The following KPNA1 variants were observed in gnomAD, a reference collection of about 807,000 sequenced individuals.
The protein encoded by KPNA1 is karyopherin subunit alpha 1.
In KPNA1, 10 loss-of-function variants were observed where a neutral mutation model predicts 70.5. That is an observed-to-expected ratio of 0.14 (90% CI 0.09 to 0.24). KPNA1 has a LOEUF of 0.24. Ranked by LOEUF, KPNA1 falls within the 10% of genes least tolerant of loss-of-function variation. The probability of loss-of-function intolerance (pLI) is 1.00; values close to 1 mark genes in which losing one functional copy is unlikely to be tolerated. For missense variants in KPNA1, 397 were observed against 637.9 expected, an observed-to-expected ratio of 0.62 and a Z score of 4.07; for synonymous variants, 192 against 221.9, an observed-to-expected ratio of 0.87 and a Z score of 1.20.
At chr3:122,427,406 C>T in intron 13 of KPNA1, 132 bp downstream of exon 13, 1 of 905,046 alleles carries the variant, frequency 1.1e-6, no homozygotes, top group Non-Finnish European at 1.7e-6. Flanking sequence ...AATATCCAGT[C>T]TGCAGAAGCA....
In KPNA1 at chr3:122,423,853, A is replaced by G. The variant is rs1480799816; in HGVS notation, c.*3132T>C. 4 of 152,582 alleles carry G rather than the reference A, an allele frequency of 2.6e-5. No homozygotes were observed. Among genetic ancestry groups the G allele is most frequent in the Non-Finnish European group, 5.9e-5 (4 of 68,022 alleles). The allele number at this position is 152,582 out of a possible 1,614,324, so 9.5% of individuals were successfully genotyped here. A position where few individuals can be genotyped will look rare whatever the true frequency, so the allele number is the denominator to read the frequency against. The stretch of plus-strand genomic sequence containing the variant: ...AAATGACTCAGAGCCAATAACCTTC[A>G]TCTGTCATATGGAAGAAACAATCCT... On this transcript the variant is annotated 3_prime_UTR_variant, in exon 14 of 14. Transcript: ENST00000344337.
intron 2 of KPNA1, among the ~76,000 whole-genome samples, chr3:122,472,290 T>TA (rs1054047429): frequency 6.6e-6 from 1 of 151,896 alleles, no homozygotes; most frequent in East Asian, 1.9e-4. Context: ...ATATAATTTT[T>TA]AAAAAAAACC....
chr3:122,465,131 T>G (rs1037205548), intron 3 of KPNA1, among the ~76,000 whole-genome samples: 3 of 152,182 alleles, frequency 2.0e-5, no homozygotes, highest in African/African-American at 7.2e-5. Flanking sequence ...TAACTTTACA[T>G]TATAATATTT....
intron 2 of KPNA1, among the ~76,000 whole-genome samples, chr3:122,474,412 A>T (rs186856342): frequency 6.6e-6 from 1 of 152,308 alleles, no homozygotes; most frequent in Admixed American, 6.5e-5. Context: ...ACAAAGTTAG[A>T]GGAATGACTC....
intron 2 of KPNA1, among the ~76,000 whole-genome samples, chr3:122,479,499 C>T (rs941249456): frequency 1.3e-5 from 2 of 152,138 alleles, no homozygotes; most frequent in Admixed American, 1.3e-4. Flanking sequence ...GTGGCTCATG[C>T]CTGTAATCCC....
At position 122,474,932 on chromosome 3, in the gene KPNA1, T is replaced by G. The variant is rs111952247; in HGVS notation, c.130-7503A>C. Among the ~76,000 whole-genome samples, 52 of 152,326 alleles carry G rather than the reference T, an allele frequency of 3.4e-4. 1 individual carries two copies. The Middle Eastern group carries it at 0.017, about 50-fold the overall frequency. ...ACAGTGAAAAGTTGAAAGCTTTTCC[T>G]CTAAGATCAGAAACAAGACAAGGAT... On this transcript the variant is annotated intron_variant, in intron 2 of 13. Coordinates refer to ENST00000344337, the MANE Select transcript of KPNA1 (RefSeq NM_002264.4).
rs756918915 is a variant in KPNA1 at position 122,428,801 on chromosome 3, G to A, written c.1251-1085C>T. 5.9e-5 allele frequency among the ~76,000 whole-genome samples: 9 copies of A among 151,412 alleles called. No homozygotes were observed. In the South Asian group the frequency reaches 6.3e-4, roughly 11 times the overall value. On this transcript the variant is annotated intron_variant, in intron 12 of 13. Transcript: ENST00000344337. ...CTGGTGAATTCTGGCAAACATTTAC[G>A]GACAAAACGATACTAGTATTCTACC...
intron 2 of KPNA1, among the ~76,000 whole-genome samples, chr3:122,490,118 A>G (rs1235804578): frequency 6.6e-6 from 1 of 152,240 alleles, no homozygotes; most frequent in African/African-American, 2.4e-5. Flanking sequence ...CACATGTGCT[A>G]ATCAGCATTC....
intron 2 of KPNA1, among the ~76,000 whole-genome samples, chr3:122,483,604 C>A (rs1263681534): frequency 6.6e-6 from 1 of 152,200 alleles, no homozygotes; most frequent in Non-Finnish European, 1.5e-5. Flanking sequence ...CTCAGCCTCC[C>A]AAAGTGCTGG....
At chr3:122,430,398 T>G (rs1029915943) in intron 12 of KPNA1, among the ~76,000 whole-genome samples, 3 of 152,150 alleles carry the variant, frequency 2.0e-5, no homozygotes, top group Admixed American at 2.0e-4. Flanking sequence ...CTCAACTGAT[T>G]TATATTAATT....
intron 2 of KPNA1, among the ~76,000 whole-genome samples, chr3:122,467,920 A>C (rs1238862098): frequency 6.6e-6 from 1 of 152,196 alleles, no homozygotes; most frequent in Non-Finnish European, 1.5e-5. Flanking sequence ...ATGACTGCTT[A>C]AGCACTACCT....
At chr3:122,498,456 G>A (rs1350834055) in intron 1 of KPNA1, among the ~76,000 whole-genome samples, 1 of 152,188 alleles carries the variant, frequency 6.6e-6, no homozygotes, top group Non-Finnish European at 1.5e-5. Flanking sequence ...AGAACTGTGA[G>A]AAACAAATTT....
chr3:122,430,338 A>G (rs74359270), intron 12 of KPNA1, among the ~76,000 whole-genome samples: 14,261 of 152,166 alleles, frequency 0.094, 831 homozygotes, highest in Middle Eastern at 0.16. Flanking sequence ...TTTTGGGTCT[A>G]TATTTTGAAG....
At chr3:122,444,653 C>T (rs757378035) in intron 9 of KPNA1, among the ~76,000 whole-genome samples, 6 of 152,138 alleles carry the variant, frequency 3.9e-5, no homozygotes, top group Admixed American at 6.5e-5. Flanking sequence ...CTCATACAGG[C>T]GGGTGCCCCT....
intron 5 of KPNA1, chr3:122,457,622 C>T (rs912221010): frequency 1.9e-6 from 2 of 1,026,162 alleles, no homozygotes. Flanking sequence ...AATCTGCACA[C>T]TGAAGGTTTG....
At chr3:122,501,623 C>G (rs1020574757) in intron 1 of KPNA1, among the ~76,000 whole-genome samples, 1 of 152,172 alleles carries the variant, frequency 6.6e-6, no homozygotes, top group African/African-American at 2.4e-5. Flanking sequence ...CAGCAAAATG[C>G]ACACATAACA....
chr3:122,507,299 G>T (rs1181210083), intron 1 of KPNA1, among the ~76,000 whole-genome samples: 1 of 151,952 alleles, frequency 6.6e-6, no homozygotes, highest in Admixed American at 6.6e-5. Context: ...AAATTAGCCG[G>T]GCGTGGTGGC....
Position 122,426,097 on chromosome 3 carries a change from GT to G in KPNA1, c.*887del, listed in dbSNP as rs1451263115. Reference sequence around the variant, plus strand: ...TGATTGCATTTGGGAAAATTGGAGGGTTTTTTCGTCCTTAGTTTTTTTTATT... The same window carrying G: ...TGATTGCATTTGGGAAAATTGGAGGGTTTTTCGTCCTTAGTTTTTTTTATT... On this transcript the variant is annotated 3_prime_UTR_variant, in exon 14 of 14. Transcript: ENST00000344337. The G allele has an allele frequency of 6.6e-6, 1 of 152,174 alleles. No homozygotes were observed. The highest frequency in any genetic ancestry group is 2.4e-5 in the African/African-American group (1 of 41,426). 9.4% of individuals were successfully genotyped at this position (152,174 alleles called of 1,614,324 possible).
chr3:122,464,788 A>T (rs1312642348), intron 3 of KPNA1, among the ~76,000 whole-genome samples: 1 of 152,204 alleles, frequency 6.6e-6, no homozygotes, highest in Admixed American at 6.5e-5. Flanking sequence ...AGAAAGAAAC[A>T]AAGTTCTTAT....
Sources: allele counts gnomAD v4.1 joint callset (sites outside exome capture counted in the v4.1 genomes callset), GRCh38; gene constraint gnomAD v4.1.1; transcripts MANE v1.5; gene names NCBI Gene and HGNC (gene_info 2026-07-23, HGNC 2026-07-21).